The following CCNT2 variants were observed in gnomAD, a reference collection of about 807,000 sequenced individuals.
The protein encoded by CCNT2 is cyclin-T2.
A neutral mutation model predicts 70.0 loss-of-function variants in CCNT2; 18 were observed. The ratio of observed to expected loss-of-function variants is 0.26; its 90% CI spans 0.18 to 0.38. The LOEUF is 0.38. CCNT2 is among the 10% of genes least tolerant of loss of function. The pLI, the probability that CCNT2 is intolerant of heterozygous loss-of-function variation, is 1.00. For synonymous variants in CCNT2, 334 were observed against 313.3 expected, an observed-to-expected ratio of 1.07 and a Z score of -0.70; for missense variants, 734 against 890.2, an observed-to-expected ratio of 0.82 and a Z score of 2.23.
chr2:134,928,073 C>T (rs1307629890), intron 2 of CCNT2, among the ~76,000 whole-genome samples: 1 of 152,038 alleles, frequency 6.6e-6, no homozygotes, highest in African/African-American at 2.4e-5. Context: ...GCAGTTCAAG[C>T]AATTCTCCTG....
chr2:134,950,545 G>A (rs6752554), intron 7 of CCNT2, among the ~76,000 whole-genome samples: 8,785 of 152,186 alleles, frequency 0.058, 392 homozygotes, highest in African/African-American at 0.13. Flanking sequence ...GCTAAGGTGG[G>A]AGGATCACCT....
intron 2 of CCNT2, among the ~76,000 whole-genome samples, chr2:134,926,379 C>G (rs751706758): frequency 6.6e-6 from 1 of 152,166 alleles, no homozygotes; most frequent in Non-Finnish European, 1.5e-5. Flanking sequence ...TTCTGGCCCT[C>G]TTCCCCTCCA....
At chr2:134,919,678 T>G (rs540696134) in intron 1 of CCNT2, 132 bp from the exon 2 acceptor site, 1 of 651,042 alleles carries the variant, frequency 1.5e-6, no homozygotes, top group East Asian at 2.9e-5. Context: ...CGGGCATTTA[T>G]TTCTTTATTT....
In CCNT2 at chr2:134,953,729, C is replaced by G. The variant is rs79178736; in HGVS notation, c.1274C>G (p.Thr425Ser). 1 of 1,614,010 alleles carries G rather than the reference C, an allele frequency of 6.2e-7. No individual in the cohort carries two copies. Among genetic ancestry groups the G allele is most frequent in the Non-Finnish European group, 8.5e-7 (1 of 1,179,920 alleles). The change falls in exon 9 of 9, where the codon ACT (threonine) becomes AGT (serine). Residue 425 changes from threonine (T) to serine (S), a missense_variant. Transcript: ENST00000264157. The stretch of plus-strand genomic sequence containing the variant: ...AGTAAACACCATGGGCCAATTTCCA[C>G]TACTCCAGGAATAATTCCTCAGAAA... ...GSSKHHGPIS[T>S]TPGIIPQKMS... is the part of the protein sequence containing the mutation.
chr2:134,940,577 C>T (rs1343960372), intron 4 of CCNT2, among the ~76,000 whole-genome samples: 1 of 152,046 alleles, frequency 6.6e-6, no homozygotes, highest in Non-Finnish European at 1.5e-5. Flanking sequence ...CGTAACTGTA[C>T]TGCTGTGATA....
In CCNT2 at chr2:134,955,991, C is replaced by T. The variant is rs1254734420; in HGVS notation, c.*1343C>T. The T allele has an allele frequency of 6.6e-6, 1 of 152,612 alleles. No individual in the cohort carries two copies. The highest frequency in any genetic ancestry group is 2.4e-5 in the African/African-American group (1 of 41,446). The allele number at this position is 152,612 out of a possible 1,614,324, so 9.5% of individuals were successfully genotyped here. On this transcript the variant is annotated 3_prime_UTR_variant, in exon 9 of 9. Coordinates refer to ENST00000264157, the MANE Select transcript of CCNT2 (RefSeq NM_058241.3). The stretch of plus-strand genomic sequence containing the variant: ...AGGTAAAGTTTGCACAGTCATCTGA[C>T]TTCTGATCAAGCATTAGATTTTAAC...
chr2:134,921,474 C>T (rs1284494452), intron 2 of CCNT2, among the ~76,000 whole-genome samples: 3 of 152,174 alleles, frequency 2.0e-5, no homozygotes, highest in Admixed American at 2.0e-4. Flanking sequence ...CTGCCTCAGC[C>T]TCCTGAGTAG....
intron 2 of CCNT2, among the ~76,000 whole-genome samples, chr2:134,930,598 G>A (rs1335879214): frequency 6.6e-6 from 1 of 152,142 alleles, no homozygotes; most frequent in Non-Finnish European, 1.5e-5. Flanking sequence ...ACATTTTGAG[G>A]AACTGCCGAA....
chr2:134,929,252 G>A (rs899628708), intron 2 of CCNT2, among the ~76,000 whole-genome samples: 4 of 152,054 alleles, frequency 2.6e-5, no homozygotes, highest in Admixed American at 6.6e-5. Context: ...TATTTGTTAC[G>A]TTATGATTAG....
In CCNT2 at chr2:134,956,637, G is replaced by A. The variant is rs1316640232; in HGVS notation, c.*1989G>A. On this transcript the variant is annotated 3_prime_UTR_variant, in exon 9 of 9. Coordinates refer to ENST00000264157, the MANE Select transcript of CCNT2 (RefSeq NM_058241.3). ...AGCTATCATGTAAAAACTACATAAG[G>A]TGGTTGTGCTACTGTATAATTGGGG... 3 of 152,448 alleles carry A rather than the reference G, an allele frequency of 2.0e-5. No individual in the cohort carries two copies. The highest frequency in any genetic ancestry group is 1.9e-4 in the East Asian group (1 of 5,198). The allele number at this position is 152,448 out of a possible 1,614,324, so 9.4% of individuals were successfully genotyped here. A position where few individuals can be genotyped will look rare whatever the true frequency, so the allele number is the denominator to read the frequency against.
At chr2:134,930,135 A>G (rs1269213782) in intron 2 of CCNT2, among the ~76,000 whole-genome samples, 1 of 152,166 alleles carries the variant, frequency 6.6e-6, no homozygotes, top group South Asian at 2.1e-4. Context: ...TGGTTGCTGT[A>G]AGCAGCAGTT....
intron 5 of CCNT2, chr2:134,945,854 C>CT: frequency 1.4e-6 from 2 of 1,479,758 alleles, no homozygotes; most frequent in Non-Finnish European, 1.8e-6. Context: ...GCCCTTGTAA[C>CT]TGGCTAGCTA....
intron 5 of CCNT2, 41 bp from the exon 6 acceptor site, chr2:134,946,060 A>T (rs539026309): frequency 1.8e-5 from 29 of 1,609,682 alleles, no homozygotes; most frequent in Middle Eastern, 1.6e-4. Context: ...TAGCACGTTA[A>T]GGCTGATAGT....
chr2:134,934,146 C>G (rs1559097617), intron 2 of CCNT2, among the ~76,000 whole-genome samples: 1 of 152,226 alleles, frequency 6.6e-6, no homozygotes, highest in Non-Finnish European at 1.5e-5. Flanking sequence ...GTAACAAACT[C>G]ATGACACTAT....
rs1357319610 is a variant in CCNT2 at position 134,956,181 on chromosome 2, C to T, written c.*1533C>T. 6.6e-6 allele frequency: 1 copy of T among 152,614 alleles called. No individual in the cohort carries two copies. Among genetic ancestry groups the T allele is most frequent in the African/African-American group, 2.4e-5 (1 of 41,450 alleles). The allele number at this position is 152,614 out of a possible 1,614,324, so 9.5% of individuals were successfully genotyped here. A position where few individuals can be genotyped will look rare whatever the true frequency, so the allele number is the denominator to read the frequency against. On this transcript the variant is annotated 3_prime_UTR_variant, in exon 9 of 9. Transcript: ENST00000264157. ...TAATTTTTTCTCTGTATTTTTGTTA[C>T]AAAGCCACTGATACGTGCACAATTG... is the stretch of plus-strand genomic sequence containing the variant.
intron 2 of CCNT2, among the ~76,000 whole-genome samples, chr2:134,931,637 A>C (rs1263146362): frequency 2.0e-5 from 3 of 152,192 alleles, no homozygotes; most frequent in African/African-American, 7.2e-5. Context: ...TCTGTAGATA[A>C]ATTTGGGGAG....
At position 134,918,982 on chromosome 2, in the gene CCNT2, T is replaced by C; in HGVS notation, c.128T>C (p.Leu43Pro). Residue 43 changes from leucine to proline, a missense_variant, in exon 1 of 9, where the codon CTC (leucine) becomes CCC (proline). By Grantham distance (98) the Leu-to-Pro change is moderately conservative. Coordinates refer to ENST00000264157, the MANE Select transcript of CCNT2 (RefSeq NM_058241.3). ...ELSCRQQAAN[L>P]IQEMGQRLNV... The stretch of plus-strand genomic sequence containing the variant: ...TCGTGCCGCCAGCAGGCGGCCAACC[T>C]CATCCAGGAGATGGGACAGCGTCTC... The C allele has an allele frequency of 6.2e-7, 1 of 1,613,292 alleles. No individual in the cohort carries two copies. Among genetic ancestry groups the C allele is most frequent in the Non-Finnish European group, 8.5e-7 (1 of 1,179,844 alleles).
At chr2:134,924,706 C>T (rs927133970) in intron 2 of CCNT2, among the ~76,000 whole-genome samples, 2 of 152,222 alleles carry the variant, frequency 1.3e-5, no homozygotes, top group Non-Finnish European at 2.9e-5. Flanking sequence ...ACCTCGACCT[C>T]CCAAAGTGCT....
chr2:134,921,854 CTTAT>C (rs371160814), intron 2 of CCNT2, among the ~76,000 whole-genome samples: 4 of 152,062 alleles, frequency 2.6e-5, no homozygotes, highest in African/African-American at 9.7e-5. Flanking sequence ...TCTTTAATGT[CTTAT>C]TGTGTATGAA....
Sources: gnomAD v4.1 joint callset for allele counts (sites outside exome capture counted in the v4.1 genomes callset) on GRCh38, gnomAD v4.1.1 for gene constraint, MANE v1.5 for transcripts, NCBI Gene and HGNC (gene_info 2026-07-23, HGNC 2026-07-21) for gene names.